Variants in BCL2L13 observed in about 807,000 individuals in gnomAD.
BCL2L13 encodes the protein bcl-2-like protein 13.
BCL2L13 carries 13 observed loss-of-function variants against 25.8 expected under a neutral mutation model. That is an observed-to-expected ratio of 0.50 (90% CI 0.33 to 0.80). The LOEUF is 0.80. Among genes scored for constraint, BCL2L13 ranks in the 30% least tolerant of loss-of-function variants. BCL2L13 has a pLI of 0.02. For synonymous variants in BCL2L13, 244 were observed against 230.3 expected, an observed-to-expected ratio of 1.06 and a Z score of -0.54; for missense variants, 504 against 574.9, an observed-to-expected ratio of 0.88 and a Z score of 1.26.
chr22:17,684,857 C>T (rs1238903046), intron 3 of BCL2L13, among the ~76,000 whole-genome samples: 4 of 151,766 alleles, frequency 2.6e-5, no homozygotes, highest in Admixed American at 2.0e-4. Flanking sequence ...CTCAGCCTCC[C>T]GAGTAGCTGG....
chr22:17,683,198 T>A lies in BCL2L13; in HGVS notation c.122-16T>A. 2 of 1,388,020 alleles carry A rather than the reference T, an allele frequency of 1.4e-6. No individual in the cohort carries two copies. The highest frequency in any genetic ancestry group is 2.0e-6 in the Non-Finnish European group (2 of 988,184). The allele number at this position is 1,388,020 out of a possible 1,614,324, so 86.0% of individuals were successfully genotyped here. On this transcript the variant is annotated splice_polypyrimidine_tract_variant and intron_variant, in intron 2 of 6. Transcript: ENST00000317582. Reference sequence around the variant, plus strand: ...TCTCTCCCTCTTTCAATAATAACCTTTTTTGTTGCTTTCAGGGGTTCAACT... The same window carrying A: ...TCTCTCCCTCTTTCAATAATAACCTATTTTGTTGCTTTCAGGGGTTCAACT...
intron 2 of BCL2L13, among the ~76,000 whole-genome samples, chr22:17,666,901 G>A (rs1488456221): frequency 2.0e-5 from 3 of 151,984 alleles, no homozygotes; most frequent in Middle Eastern, 3.4e-3. Flanking sequence ...TGGCCAGGCT[G>A]GTCTTGAACT....
rs1240735945 is a variant in BCL2L13, at chr22:17,638,841, C to T, written c.-96C>T. ...TGGGGGACCCTGTCGGAAGCAACTG[C>T]CGCCGCCGCCTCTTTCATCTCTTCT... On this transcript the variant is annotated 5_prime_UTR_variant, in exon 1 of 7. Transcript: ENST00000317582. 4.1e-6 allele frequency: 5 copies of T among 1,232,022 alleles called. No individual in the cohort carries two copies. The African/African-American group carries it at 4.7e-5, about 11-fold the overall frequency. 76.3% of individuals were successfully genotyped at this position (1,232,022 alleles called of 1,614,324 possible).
intron 2 of BCL2L13, among the ~76,000 whole-genome samples, chr22:17,657,581 C>T (rs1420905730): frequency 3.3e-5 from 5 of 151,716 alleles, no homozygotes; most frequent in East Asian, 1.9e-4. Context: ...GGCACGATCT[C>T]GGCTACTGCA....
chr22:17,707,369 C>T (rs1039351517), intron 6 of BCL2L13, among the ~76,000 whole-genome samples: 4 of 152,152 alleles, frequency 2.6e-5, no homozygotes, highest in Admixed American at 1.3e-4. Context: ...GGGTCCAAAG[C>T]AGTGATCTGT....
chr22:17,700,433 A>C (rs534942185), intron 5 of BCL2L13, among the ~76,000 whole-genome samples: 2 of 152,346 alleles, frequency 1.3e-5, no homozygotes, highest in African/African-American at 2.4e-5. Context: ...ACAAGCATAA[A>C]ATATTTACAA....
At position 17,683,261 on chromosome 22, in the gene BCL2L13, T is replaced by TAAA; in HGVS notation, c.169_170insAAA (p.Leu57delinsTer). On this transcript the variant is annotated stop_gained, in exon 3 of 7. Transcript: ENST00000317582. LOFTEE classifies it high-confidence loss of function. ...ACAATCTCTGGATCAAGAAATTTTA[T>TAAA]TAAAAGTTAAAACTGAAATTGAAGA... is the stretch of plus-strand genomic sequence containing the variant. 1 of 1,595,528 alleles carries TAAA rather than the reference T, an allele frequency of 6.3e-7. No homozygotes were observed. The highest frequency in any genetic ancestry group is 8.6e-7 in the Non-Finnish European group (1 of 1,168,552).
intron 1 of BCL2L13, among the ~76,000 whole-genome samples, chr22:17,647,553 G>A (rs1237109003): frequency 6.6e-6 from 1 of 152,098 alleles, no homozygotes; most frequent in Non-Finnish European, 1.5e-5. Context: ...ACTAGTGTTA[G>A]TGTTTTCACC....
intron 6 of BCL2L13, among the ~76,000 whole-genome samples, chr22:17,725,875 G>A (rs4819623): frequency 0.41 from 61,479 of 149,968 alleles, 14,669 homozygotes; most frequent in East Asian, 0.8. Context: ...TACATATAGC[G>A]TGAAGGTAAT....
intron 6 of BCL2L13, among the ~76,000 whole-genome samples, chr22:17,715,796 G>C (rs1473371266): frequency 6.6e-6 from 1 of 152,126 alleles, no homozygotes; most frequent in African/African-American, 2.4e-5. Flanking sequence ...TTCTGTTTGG[G>C]GGTTGGAATT....
At chr22:17,669,332 T>TG (rs1417459363) in intron 2 of BCL2L13, among the ~76,000 whole-genome samples, 2 of 152,156 alleles carry the variant, frequency 1.3e-5, no homozygotes. Flanking sequence ...GCACCTGGCC[T>TG]GGCTCTTGGT....
In BCL2L13 at chr22:17,696,172, A is replaced by G. The variant is rs753108863; in HGVS notation, c.418A>G (p.Thr140Ala). 6.2e-7 allele frequency: 1 copy of G among 1,613,984 alleles called. No individual in the cohort carries two copies. Among genetic ancestry groups the G allele is most frequent in the East Asian group, 2.2e-5 (1 of 44,876 alleles). ...PVTYQAFRECTLETTVHASGW... is the reference protein window; with the variant it reads ...PVTYQAFRECALETTVHASGW... Reference sequence around the variant, plus strand: ...GACATATCAGGCATTTCGGGAATGTACACTGGAGACCACAGTTCATGCCAG... The same window carrying G: ...GACATATCAGGCATTTCGGGAATGTGCACTGGAGACCACAGTTCATGCCAG... The change falls in exon 5 of 7, where the codon ACA becomes GCA. Residue 140 changes from threonine (T) to alanine (A), a missense_variant. Thr to Ala is a moderately conservative substitution (Grantham distance 58). Coordinates refer to ENST00000317582, the MANE Select transcript of BCL2L13 (RefSeq NM_015367.4).
In BCL2L13 at chr22:17,685,760, CTTTT is replaced by C. The variant is rs1166792513; in HGVS notation, c.229+2465_229+2468del. ...TATTGCCCAATAATTTTTTCTTTTTCTTTTTTTTTTTTTTTTTTTTTTTTTTTTT... is the reference window on the plus strand; with the variant it reads ...TATTGCCCAATAATTTTTTCTTTTTCTTTTTTTTTTTTTTTTTTTTTTTTT... On this transcript the variant is annotated intron_variant, in intron 3 of 6. Transcript: ENST00000317582. Among the ~76,000 whole-genome samples, 11 of 60,566 alleles carry C rather than the reference CTTTT, an allele frequency of 1.8e-4. No homozygotes were observed. The East Asian group carries it at 4.5e-3, about 25-fold the overall frequency. The allele number at this position is 60,566 out of a possible 152,430, so 39.7% of individuals were successfully genotyped here.
intron 6 of BCL2L13, among the ~76,000 whole-genome samples, chr22:17,707,534 A>C (rs1368924508): frequency 6.6e-6 from 1 of 152,218 alleles, no homozygotes; most frequent in Non-Finnish European, 1.5e-5. Flanking sequence ...TCCCAACAAT[A>C]CAAATATTTT....
chr22:17,642,760 ATTTTTT>A, intron 1 of BCL2L13, among the ~76,000 whole-genome samples: 1 of 151,526 alleles, frequency 6.6e-6, no homozygotes, highest in Middle Eastern at 3.4e-3. Flanking sequence ...TACCCAGCTA[ATTTTTT>A]TTGTATTTTT....
At chr22:17,683,096 G>A (rs951997051) in intron 2 of BCL2L13, 118 bp from the exon 3 acceptor site, 256 of 579,528 alleles carry the variant, frequency 4.4e-4, no homozygotes, top group South Asian at 3.5e-4. Flanking sequence ...TCATGCCATT[G>A]CACTCCAGCC....
chr22:17,689,178 A>G (rs1445588773), intron 4 of BCL2L13, 36 bp downstream of exon 4: 15 of 1,605,342 alleles, frequency 9.3e-6, no homozygotes, highest in Non-Finnish European at 1.3e-5. Context: ...TGCTTCTTTA[A>G]GTAGTCTCTG....
At chr22:17,721,393 T>G (rs571079207) in intron 6 of BCL2L13, among the ~76,000 whole-genome samples, 46 of 152,220 alleles carry the variant, frequency 3.0e-4, no homozygotes, top group Non-Finnish European at 6.5e-4. Context: ...TTTAAAAAAT[T>G]TTGTTATGCT....
chr22:17,651,705 T>G (rs71328229), intron 1 of BCL2L13, among the ~76,000 whole-genome samples: 21,142 of 150,480 alleles, frequency 0.14, 2,005 homozygotes, highest in Non-Finnish European at 0.21. Flanking sequence ...AAAGACTTTT[T>G]TTTGAGACGG....
Sources: gnomAD v4.1 joint callset for allele counts (sites outside exome capture counted in the v4.1 genomes callset) on GRCh38, gnomAD v4.1.1 for gene constraint, MANE v1.5 for transcripts, NCBI Gene and HGNC (gene_info 2026-07-23, HGNC 2026-07-21) for gene names.